The following SPATA3 variants were observed in gnomAD, a reference collection of about 807,000 sequenced individuals.
SPATA3 encodes the protein spermatogenesis associated 3.
In SPATA3, 6 loss-of-function variants were observed where a neutral mutation model predicts 5.7. The observed-to-expected ratio is 1.06, with a 90% CI of 0.58 to 2.09. The LOEUF is 2.09. SPATA3 is among the 30% of genes most tolerant of loss of function. The probability of loss-of-function intolerance (pLI) is 0.00; values close to 1 mark genes in which losing one functional copy is unlikely to be tolerated. For synonymous variants in SPATA3, 44 were observed against 48.4 expected (o/e 0.91, Z 0.37); for missense variants, 155 against 130.4 (o/e 1.19, Z -0.92).
chr2:231,002,302 T>C (rs765160637), intron 2 of SPATA3, among the ~76,000 whole-genome samples: 2 of 152,204 alleles, frequency 1.3e-5, no homozygotes, highest in Admixed American at 6.5e-5. Context: ...ATTTCCCAAG[T>C]TCCTTTCTCT....
intron 6 of SPATA3, among the ~76,000 whole-genome samples, chr2:231,017,392 T>C (rs1411287719): frequency 1.3e-5 from 2 of 152,330 alleles, no homozygotes; most frequent in African/African-American, 4.8e-5. Context: ...AATGGGACTT[T>C]GTCTACATCC....
chr2:231,000,652 G>T, intron 2 of SPATA3, 115 bp downstream of exon 2: 2 of 1,141,906 alleles, frequency 1.8e-6, no homozygotes. Flanking sequence ...CAGGCCGAAG[G>T]AAAGCCTTTC....
At chr2:231,008,968 C>T (rs548924693), downstream of SPATA3, among the ~76,000 whole-genome samples, 6 of 152,230 alleles carry the variant, frequency 3.9e-5, no homozygotes, top group South Asian at 6.2e-4. Context: ...CCACAGCAAA[C>T]GGCATCACAG....
At chr2:231,016,556 G>A (rs1165805489) in intron 6 of SPATA3, among the ~76,000 whole-genome samples, 2 of 151,742 alleles carry the variant, frequency 1.3e-5, no homozygotes, top group South Asian at 2.1e-4. Context: ...GTGGTGGCGG[G>A]CACCAATAGT....
chr2:231,018,353 A>G (rs971133377), intron 6 of SPATA3, among the ~76,000 whole-genome samples: 7 of 152,154 alleles, frequency 4.6e-5, no homozygotes, highest in Admixed American at 3.3e-4. Flanking sequence ...CATCTGCATA[A>G]TAAGAAAACC....
intron 1 of SPATA3, among the ~76,000 whole-genome samples, chr2:230,999,197 C>T (rs1451012733): frequency 6.6e-6 from 1 of 152,124 alleles, no homozygotes; most frequent in Non-Finnish European, 1.5e-5. Context: ...ATGAAATGTT[C>T]AGAATAGGCA....
chr2:231,011,690 A>G (rs1308981627), downstream of SPATA3, among the ~76,000 whole-genome samples: 3 of 151,488 alleles, frequency 2.0e-5, no homozygotes, highest in African/African-American at 7.3e-5. Context: ...CCAGGGAACC[A>G]AACTGCCAGG....
intron 6 of SPATA3, among the ~76,000 whole-genome samples, chr2:231,016,006 C>T (rs1692925158): frequency 6.6e-6 from 1 of 152,198 alleles, no homozygotes; most frequent in African/African-American, 2.4e-5. Context: ...AAGGTGGGAG[C>T]CTCACCTCTT....
chr2:231,013,988 A>G (rs913887169), exon 6 of SPATA3: 2 of 151,276 alleles, frequency 1.3e-5, no homozygotes, highest in Non-Finnish European at 2.9e-5. Context: ...CTGGTGTCCT[A>G]TTGTCAGGGA....
At chr2:231,003,755 G>A (rs1692440955), downstream of SPATA3, among the ~76,000 whole-genome samples, 1 of 152,162 alleles carries the variant, frequency 6.6e-6, no homozygotes, top group South Asian at 2.1e-4. Context: ...GGATGCACCA[G>A]CCCAAAAAGG....
chr2:231,006,450 C>G (rs1692628571), downstream of SPATA3, among the ~76,000 whole-genome samples: 2 of 151,636 alleles, frequency 1.3e-5, no homozygotes. Context: ...TTGCAGTGAG[C>G]CGAGATCGCA....
chr2:231,016,411 G>A (rs965990212), intron 6 of SPATA3, among the ~76,000 whole-genome samples: 2 of 151,246 alleles, frequency 1.3e-5, no homozygotes, highest in Non-Finnish European at 2.9e-5. Context: ...GTCCTGGCGG[G>A]GCATGGTGGC....
chr2:231,017,525 T>C (rs765321612), intron 6 of SPATA3, among the ~76,000 whole-genome samples: 3 of 152,194 alleles, frequency 2.0e-5, no homozygotes, highest in Non-Finnish European at 4.4e-5. Flanking sequence ...GAACTGGGAA[T>C]GTGTTGACTG....
At chr2:231,014,965 C>T (rs1312021854) in intron 6 of SPATA3, among the ~76,000 whole-genome samples, 2 of 152,290 alleles carry the variant, frequency 1.3e-5, no homozygotes, top group South Asian at 4.1e-4. Context: ...CCAAAGGGAG[C>T]ACCAGCAAAC....
chr2:230,996,689 CAA>C (rs551765025), intron 1 of SPATA3, among the ~76,000 whole-genome samples, 155 bp downstream of exon 1: 15 of 152,258 alleles, frequency 9.9e-5, no homozygotes, highest in African/African-American at 3.6e-4. Context: ...TGTTTCTACC[CAA>C]GAGACCAGGA....
chr2:231,018,955 T>TC (rs1273383941), intron 6 of SPATA3, among the ~76,000 whole-genome samples: 6 of 139,072 alleles, frequency 4.3e-5, no homozygotes, highest in African/African-American at 1.4e-4. Flanking sequence ...GTGCCTGGCC[T>TC]GATTTTTCTT....
intron 6 of SPATA3, among the ~76,000 whole-genome samples, chr2:231,019,088 C>G (rs1173729165): frequency 6.8e-6 from 1 of 146,404 alleles, no homozygotes; most frequent in East Asian, 2.0e-4. Context: ...TGCCTCAGCC[C>G]CCTGAGTAGC....
At chr2:231,011,239 C>T (rs139389319), downstream of SPATA3, among the ~76,000 whole-genome samples, 3,091 of 152,100 alleles carry the variant, frequency 0.02, 42 homozygotes, top group Non-Finnish European at 0.035. Flanking sequence ...CTCAGCCTCC[C>T]GAGTAGCTGG....
At chr2:230,998,923 C>A (rs1365206314) in intron 1 of SPATA3, among the ~76,000 whole-genome samples, 1 of 152,040 alleles carries the variant, frequency 6.6e-6, no homozygotes, top group Non-Finnish European at 1.5e-5. Flanking sequence ...AGAAGCACAC[C>A]AAAACTTGTA....
Sources: allele counts gnomAD v4.1 joint callset (sites outside exome capture counted in the v4.1 genomes callset), GRCh38; gene constraint gnomAD v4.1.1; transcripts MANE v1.5; gene names NCBI Gene and HGNC (gene_info 2026-07-23, HGNC 2026-07-21).